Variants in PTGS1 observed in about 807,000 individuals in gnomAD.
PTGS1 encodes the protein prostaglandin G/H synthase 1.
In PTGS1, 40 loss-of-function variants were observed where a neutral mutation model predicts 63.0. The ratio of observed to expected loss-of-function variants is 0.63; its 90% CI spans 0.49 to 0.83. The LOEUF (loss-of-function observed/expected upper bound fraction) is 0.83, where lower values mean the gene tolerates loss of function less well. PTGS1 is among the 40% of genes least tolerant of loss of function. PTGS1 has a pLI of 0.00. For missense variants in PTGS1, 709 were observed against 786.5 expected, an observed-to-expected ratio of 0.90 and a Z score of 1.18; for synonymous variants, 298 against 301.9, an observed-to-expected ratio of 0.99 and a Z score of 0.13.
chr9:122,391,410 CATATATATATATATATACATATATAT>C (rs1356099393), intron 10 of PTGS1, among the ~76,000 whole-genome samples: 3 of 50,698 alleles, frequency 5.9e-5, no homozygotes. Flanking sequence ...TATATATATA[CATATATATATATATATACATATATAT>C]ATATATATAT....
chr9:122,377,249 A>T (rs79929154), intron 2 of PTGS1, among the ~76,000 whole-genome samples: 4,804 of 152,222 alleles, frequency 0.032, 252 homozygotes, highest in African/African-American at 0.11. Context: ...GTGGAAGTGA[A>T]GGGATGGGCA....
At chr9:122,392,143 T>C (rs1264419272) in intron 10 of PTGS1, 46 bp from the exon 11 acceptor site, 1 of 1,511,302 alleles carries the variant, frequency 6.6e-7, no homozygotes, top group Admixed American at 2.0e-5. Context: ...TTGACCTTAA[T>C]GGCATCATGG....
At chr9:122,371,003 G>C (rs201093613), upstream of PTGS1, 8 of 1,528,480 alleles carry the variant, frequency 5.2e-6, no homozygotes, top group African/African-American at 1.4e-5. Flanking sequence ...GGTGGGGAGG[G>C]GATGGGCTGG....
chr9:122,383,436 G>C (rs1837658726), intron 7 of PTGS1, 73 bp from the exon 8 acceptor site: 6 of 1,535,428 alleles, frequency 3.9e-6, no homozygotes, highest in Admixed American at 1.9e-5. Context: ...GGAGGCAGGA[G>C]TGGGAGGGAG....
At chr9:122,388,269 C>T (rs1838000463) in intron 9 of PTGS1, among the ~76,000 whole-genome samples, 1 of 151,986 alleles carries the variant, frequency 6.6e-6, no homozygotes, top group Non-Finnish European at 1.5e-5. Context: ...TGGTCTTGAA[C>T]TCCTGGGCTC....
chr9:122,371,182 G>C lies in PTGS1; in HGVS notation c.8-4G>C. ...GCTCAGCCCCTCATCTCTCTCCTCT[G>C]CAGGGAGTCTCTTGCTCTGGTTCTT... On this transcript the variant is annotated splice_polypyrimidine_tract_variant and splice_region_variant and intron_variant, in intron 1 of 10. Coordinates refer to ENST00000362012, the MANE Select transcript of PTGS1 (RefSeq NM_000962.4). The C allele has an allele frequency of 6.2e-7, 1 of 1,609,032 alleles. No individual in the cohort carries two copies.
chr9:122,378,054 G>A (rs201076517), intron 3 of PTGS1, 39 bp downstream of exon 3: 5 of 1,564,802 alleles, frequency 3.2e-6, no homozygotes, highest in African/African-American at 1.4e-5. Flanking sequence ...TCCGTCTTGA[G>A]CCCTTCTGCT....
At chr9:122,381,593 T>C (rs1475224025) in intron 6 of PTGS1, 41 bp downstream of exon 6, 2 of 1,613,534 alleles carry the variant, frequency 1.2e-6, no homozygotes, top group African/African-American at 1.3e-5. Flanking sequence ...CTGGACCTAA[T>C]TTGGCACGCG....
At chr9:122,390,960 T>C (rs1195674081) in intron 10 of PTGS1, among the ~76,000 whole-genome samples, 1 of 152,010 alleles carries the variant, frequency 6.6e-6, no homozygotes, top group Non-Finnish European at 1.5e-5. Context: ...CAGTCATAGA[T>C]GTGGCTGGGG....
chr9:122,374,379 G>A (rs1836989960), intron 2 of PTGS1, among the ~76,000 whole-genome samples: 1 of 152,100 alleles, frequency 6.6e-6, no homozygotes, highest in African/African-American at 2.4e-5. Flanking sequence ...CCCTTCATGG[G>A]ATATACAGAA....
intron 2 of PTGS1, chr9:122,371,496 C>G: frequency 7.8e-7 from 1 of 1,284,648 alleles, no homozygotes; most frequent in East Asian, 2.5e-5. Context: ...AAACAGCAGA[C>G]TGGGATCTGG....
chr9:122,386,979 C>G (rs1473668937), intron 9 of PTGS1, among the ~76,000 whole-genome samples: 1 of 151,980 alleles, frequency 6.6e-6, no homozygotes. Flanking sequence ...GTGCTCCCAC[C>G]CTAGAAAGTG....
At chr9:122,381,113 T>C (rs1236645825) in intron 5 of PTGS1, among the ~76,000 whole-genome samples, 1 of 152,248 alleles carries the variant, frequency 6.6e-6, no homozygotes, top group East Asian at 1.9e-4. Context: ...TTCTCCCCTC[T>C]CATATTTTTA....
At chr9:122,384,104 G>A (rs930820782) in intron 8 of PTGS1, among the ~76,000 whole-genome samples, 8 of 152,102 alleles carry the variant, frequency 5.3e-5, no homozygotes, top group East Asian at 1.9e-4. Context: ...TGCTGCGCCC[G>A]GATGCATACT....
rs201276316 is a variant in PTGS1, at chr9:122,377,952, G to A, written c.148G>A (p.Gly50Ser). Residue 50 changes from glycine to serine, a missense_variant, in exon 3 of 11, where the codon GGC becomes AGC. Transcript: ENST00000362012. The part of the protein sequence containing the change: ...CQHQGICVRF[G>S]LDRYQCDCTR... ...GCACCAGGGCATCTGTGTCCGCTTC[G>A]GCCTTGACCGCTACCAGTGTGACTG... 39 of 1,614,026 alleles carry A rather than the reference G, an allele frequency of 2.4e-5. No individual in the cohort carries two copies. The highest frequency in any genetic ancestry group is 2.4e-5 in the Non-Finnish European group (28 of 1,180,028).
rs1292950325 is a variant in PTGS1, at chr9:122,378,026, C to G, written c.211+11C>G. 6.2e-7 allele frequency: 1 copy of G among 1,606,316 alleles called. No individual in the cohort carries two copies. Among genetic ancestry groups the G allele is most frequent in the Non-Finnish European group, 8.5e-7 (1 of 1,175,504 alleles). On this transcript the variant is annotated intron_variant, in intron 3 of 10. Transcript: ENST00000362012. ...CCAACTGCACCATCCGTGAGCTGGGCCTTCAGCCCTCACTCCTTCCGTCTT... is the reference window on the plus strand; with the variant it reads ...CCAACTGCACCATCCGTGAGCTGGGGCTTCAGCCCTCACTCCTTCCGTCTT...
rs191906917 is a variant in PTGS1 at position 122,381,348 on chromosome 9, G to A, written c.497-23G>A. The A allele has an allele frequency of 1.9e-6, 3 of 1,611,074 alleles. No homozygotes were observed. The East Asian group carries it at 6.7e-5, about 36-fold the overall frequency. Reference sequence around the variant, plus strand: ...CAAGATCCAGATAGGAGAAGCTACTGCTGTTTCCTACCCCCCAACCAGGGA... The same window carrying A: ...CAAGATCCAGATAGGAGAAGCTACTACTGTTTCCTACCCCCCAACCAGGGA... On this transcript the variant is annotated intron_variant, in intron 5 of 10. Coordinates refer to ENST00000362012, the MANE Select transcript of PTGS1 (RefSeq NM_000962.4).
chr9:122,375,522 C>A (rs1016019952), intron 2 of PTGS1: 4 of 970,462 alleles, frequency 4.1e-6, no homozygotes, highest in Non-Finnish European at 3.7e-6. Flanking sequence ...GGATCCCAGA[C>A]CTGGTTAAGC....
At chr9:122,377,649 C>A (rs1039152414) in intron 2 of PTGS1, among the ~76,000 whole-genome samples, 1 of 152,144 alleles carries the variant, frequency 6.6e-6, no homozygotes, top group Non-Finnish European at 1.5e-5. Flanking sequence ...GGCGCTTCCC[C>A]TGGGGGCCTG....
Sources: allele counts gnomAD v4.1 joint callset (sites outside exome capture counted in the v4.1 genomes callset), GRCh38; gene constraint gnomAD v4.1.1; transcripts MANE v1.5; gene names NCBI Gene and HGNC (gene_info 2026-07-23, HGNC 2026-07-21).